The following RUNX1 variants were observed in gnomAD, a reference collection of about 807,000 sequenced individuals.
RUNX1 encodes the protein runt-related transcription factor 1.
A neutral mutation model predicts 42.8 loss-of-function variants in RUNX1; 19 were observed. The ratio of observed to expected loss-of-function variants is 0.44; its 90% CI spans 0.31 to 0.65. The LOEUF (loss-of-function observed/expected upper bound fraction) is 0.65. Ranked by LOEUF, RUNX1 falls within the 30% of genes least tolerant of loss-of-function variation. The pLI is 0.07. For missense variants in RUNX1, 528 were observed against 672.0 expected (o/e 0.79, Z 2.37); for synonymous variants, 271 against 289.4 (o/e 0.94, Z 0.64).
chr21:34,997,580 G>A lies in RUNX1; in HGVS notation c.58+51262C>T, dbSNP rs139190359. ...TGGCACTGGAAGTCGTCTTGCTGAC[G>A]ATCAGCTTCAATAGATGATAGAACT... On this transcript the variant is annotated intron_variant, in intron 2 of 8. Coordinates refer to ENST00000675419, the MANE Select transcript of RUNX1 (RefSeq NM_001754.5). Among the ~76,000 whole-genome samples the A allele has an allele frequency of 8.6e-4, 131 of 152,320 alleles. 1 individual carries two copies. Among genetic ancestry groups the A allele is most frequent in the Non-Finnish European group, 1.2e-3 (85 of 68,028 alleles).
chr21:35,038,268 C>T (rs956777502), intron 2 of RUNX1, among the ~76,000 whole-genome samples: 12 of 152,136 alleles, frequency 7.9e-5, no homozygotes, highest in Non-Finnish European at 1.0e-4. Context: ...TCCTGCTCCC[C>T]GATCCCACCC....
At chr21:34,807,197 A>G (rs1364418027) in intron 7 of RUNX1, among the ~76,000 whole-genome samples, 1 of 152,198 alleles carries the variant, frequency 6.6e-6, no homozygotes, top group Non-Finnish European at 1.5e-5. Flanking sequence ...AGTTCAAAAC[A>G]TCCCTCTTTG....
chr21:34,980,608 A>G (rs772514073), intron 2 of RUNX1, among the ~76,000 whole-genome samples: 3 of 152,160 alleles, frequency 2.0e-5, no homozygotes, highest in Non-Finnish European at 2.9e-5. Context: ...CTCTTTTAAA[A>G]TGACCTCTGC....
intron 2 of RUNX1, among the ~76,000 whole-genome samples, chr21:34,990,151 C>T (rs1366378254): frequency 1.3e-5 from 2 of 152,226 alleles, no homozygotes; most frequent in African/African-American, 4.8e-5. Context: ...CTGAATGTCT[C>T]TGCCTGTCAG....
intron 2 of RUNX1, among the ~76,000 whole-genome samples, chr21:35,007,447 A>G (rs986381873): frequency 1.3e-5 from 2 of 151,868 alleles, no homozygotes; most frequent in African/African-American, 4.8e-5. Context: ...CCATCCCTGC[A>G]TCCCTGCAGT....
chr21:34,874,123 TTCTCTCTCTC>T (rs3831803), intron 5 of RUNX1, among the ~76,000 whole-genome samples: 1 of 144,966 alleles, frequency 6.9e-6, no homozygotes, highest in Non-Finnish European at 1.5e-5. Context: ...GATATTCTCA[TTCTCTCTCTC>T]TCTCTCTCTC....
chr21:34,883,466 G>T (rs553319984), intron 4 of RUNX1, among the ~76,000 whole-genome samples: 1 of 152,064 alleles, frequency 6.6e-6, no homozygotes, highest in Non-Finnish European at 1.5e-5. Flanking sequence ...ACTAACATGC[G>T]TGCTAATTTG....
At chr21:34,998,541 T>C (rs1029500298) in intron 2 of RUNX1, among the ~76,000 whole-genome samples, 4 of 152,104 alleles carry the variant, frequency 2.6e-5, no homozygotes, top group Non-Finnish European at 5.9e-5. Context: ...TTTTTCTTTT[T>C]TTCTTTTTCC....
At chr21:34,888,351 C>T (rs371384952) in intron 3 of RUNX1, 13 of 1,065,472 alleles carry the variant, frequency 1.2e-5, no homozygotes, top group South Asian at 4.5e-5. Context: ...CACACTGCCA[C>T]GCACACGCAA....
In RUNX1 at chr21:34,932,839, C is replaced by T. The variant is rs151307444; in HGVS notation, c.59-39876G>A. On this transcript the variant is annotated intron_variant, in intron 2 of 8. Coordinates refer to ENST00000675419, the MANE Select transcript of RUNX1 (RefSeq NM_001754.5). ...GTGCCTAGTGGAACCTCATTACCCC[C>T]GGCATTTCCCATACTCCTCTCCCAT... Among the ~76,000 whole-genome samples the T allele has an allele frequency of 2.3e-3, 345 of 152,274 alleles. 2 individuals carry two copies. The highest frequency in any genetic ancestry group is 7.8e-3 in the African/African-American group (326 of 41,560).
At chr21:34,827,955 T>C (rs2057011850) in intron 7 of RUNX1, among the ~76,000 whole-genome samples, 1 of 152,146 alleles carries the variant, frequency 6.6e-6, no homozygotes, top group Non-Finnish European at 1.5e-5. Flanking sequence ...AAATGTGAGG[T>C]TGAAGCTGCC....
chr21:35,015,264 G>T (rs881387), intron 2 of RUNX1, among the ~76,000 whole-genome samples: 56,058 of 152,030 alleles, frequency 0.37, 10,730 homozygotes, highest in African/African-American at 0.41. Context: ...GTTAAACTTG[G>T]TAATATATGG....
At chr21:34,805,967 T>A (rs2056673322) in intron 7 of RUNX1, among the ~76,000 whole-genome samples, 2 of 152,116 alleles carry the variant, frequency 1.3e-5, no homozygotes, top group South Asian at 4.1e-4. Flanking sequence ...GGGCAGTAAC[T>A]AAAAACATTT....
At chr21:35,000,309 C>T (rs2059031659) in intron 2 of RUNX1, among the ~76,000 whole-genome samples, 1 of 145,250 alleles carries the variant, frequency 6.9e-6, no homozygotes, top group Non-Finnish European at 1.5e-5. Flanking sequence ...GGCGCAATCT[C>T]GGCTCACTGC....
intron 2 of RUNX1, among the ~76,000 whole-genome samples, chr21:34,899,002 C>T (rs1005440105): frequency 1.4e-4 from 21 of 152,184 alleles, no homozygotes; most frequent in African/African-American, 3.4e-4. Context: ...CAACCTCCAC[C>T]TCCTGGGTTC....
chr21:35,041,819 C>A (rs372812803), intron 2 of RUNX1, among the ~76,000 whole-genome samples: 8 of 152,052 alleles, frequency 5.3e-5, no homozygotes, highest in East Asian at 3.9e-4. Context: ...AGATAGAGGG[C>A]AATTATCTGG....
intron 2 of RUNX1, among the ~76,000 whole-genome samples, chr21:34,966,740 A>T (rs1295328827): frequency 6.6e-6 from 1 of 152,192 alleles, no homozygotes; most frequent in Non-Finnish European, 1.5e-5. Flanking sequence ...TTTCCCACTG[A>T]AAATGCTATT....
chr21:34,852,309 C>T (rs375787141), intron 6 of RUNX1, among the ~76,000 whole-genome samples: 24 of 152,276 alleles, frequency 1.6e-4, no homozygotes, highest in African/African-American at 4.6e-4. Context: ...GGGTTACTGC[C>T]GCTTCTGGGA....
At chr21:35,001,732 T>C (rs1327217443) in intron 2 of RUNX1, among the ~76,000 whole-genome samples, 3 of 152,164 alleles carry the variant, frequency 2.0e-5, no homozygotes, top group African/African-American at 7.2e-5. Flanking sequence ...CATGATATTA[T>C]ATGTAGAAAA....
Sources: allele counts gnomAD v4.1 joint callset (sites outside exome capture counted in the v4.1 genomes callset), GRCh38; gene constraint gnomAD v4.1.1; transcripts MANE v1.5; gene names NCBI Gene and HGNC (gene_info 2026-07-23, HGNC 2026-07-21).